SERF1B: variants seen among roughly 807,000 people sequenced by gnomAD.
The protein encoded by SERF1B is small EDRK-rich factor 1.
chr5:70,028,954 G>A (rs1291733505), intron 2 of SERF1B, among the ~76,000 whole-genome samples: 1 of 151,772 alleles, frequency 6.6e-6, no homozygotes, highest in Non-Finnish European at 1.5e-5. Context: ...TCCAGCCTGG[G>A]CGACAGAGCG....
chr5:70,036,627 A>ACTCTCTCTCT (rs1190752176), intron 2 of SERF1B, among the ~76,000 whole-genome samples: 274 of 49,982 alleles, frequency 5.5e-3, no homozygotes, highest in African/African-American at 0.012. Context: ...ACACACACAC[A>ACTCTCTCTCT]CACTCTCTCT....
At chr5:70,037,531 A>C (rs1477234280) in intron 2 of SERF1B, among the ~76,000 whole-genome samples, 1 of 149,166 alleles carries the variant, frequency 6.7e-6, no homozygotes, top group Non-Finnish European at 1.5e-5. Flanking sequence ...TGCCTGTAAT[A>C]CCAGCTACTT....
intron 2 of SERF1B, among the ~76,000 whole-genome samples, chr5:70,037,915 T>C (rs569308094): frequency 4.3e-5 from 5 of 116,656 alleles, no homozygotes; most frequent in African/African-American, 2.3e-4. Flanking sequence ...GAGCCGAGAC[T>C]GCACCACTGC....
chr5:70,029,739 C>A, intron 2 of SERF1B: 1 of 455,036 alleles, frequency 2.2e-6, no homozygotes, highest in Non-Finnish European at 4.4e-6. Context: ...GGCAAAGGTC[C>A]TGACACCTTT....
chr5:70,028,669 G>C (rs1669416441), intron 2 of SERF1B, among the ~76,000 whole-genome samples: 1 of 146,248 alleles, frequency 6.8e-6, no homozygotes, highest in Non-Finnish European at 1.5e-5. Flanking sequence ...CTGAGATCTC[G>C]CCATTGCACT....
At chr5:70,041,252 T>C (rs1263867833) in intron 2 of SERF1B, among the ~76,000 whole-genome samples, 1 of 149,370 alleles carries the variant, frequency 6.7e-6, no homozygotes, top group Non-Finnish European at 1.5e-5. Context: ...TGGTATCTCA[T>C]TGTAGTCTTA....
chr5:70,029,759 T>G (rs1332334856), intron 2 of SERF1B: 3 of 454,420 alleles, frequency 6.6e-6, no homozygotes, highest in African/African-American at 4.0e-5. Flanking sequence ...TTTTTTTTTT[T>G]TCCCAGATAT....
At chr5:70,035,383 A>ATTTTTTTT (rs763970203) in intron 2 of SERF1B, among the ~76,000 whole-genome samples, 7 of 136,562 alleles carry the variant, frequency 5.1e-5, no homozygotes, top group Non-Finnish European at 9.6e-5. Context: ...TATTATTATT[A>ATTTTTTTT]TTTTTTTTTT....
chr5:70,029,485 T>C (rs1396419506), intron 2 of SERF1B, among the ~76,000 whole-genome samples: 1 of 149,582 alleles, frequency 6.7e-6, no homozygotes, highest in Non-Finnish European at 1.5e-5. Context: ...TATTACGCTT[T>C]AAGTTCTAGG....
At chr5:70,038,249 G>T (rs1774226258) in intron 2 of SERF1B, among the ~76,000 whole-genome samples, 1 of 150,226 alleles carries the variant, frequency 6.7e-6, no homozygotes, top group African/African-American at 2.5e-5. Flanking sequence ...CCACTCAAGG[G>T]GGCTGTTAGG....
At chr5:70,029,472 T>TA (rs1774119298) in intron 2 of SERF1B, among the ~76,000 whole-genome samples, 1 of 150,280 alleles carries the variant, frequency 6.7e-6, no homozygotes, top group African/African-American at 2.5e-5. Context: ...ATTTTTTTTT[T>TA]ATTATTACGC....
chr5:70,032,211 T>C (rs1335903840), intron 2 of SERF1B: 1 of 1,043,740 alleles, frequency 9.6e-7, no homozygotes, highest in African/African-American at 1.6e-5. Flanking sequence ...TATATCCTCT[T>C]TTAAATTGTC....
intron 2 of SERF1B, among the ~76,000 whole-genome samples, chr5:70,036,957 C>CA (rs1191591513): frequency 2.4e-3 from 91 of 38,552 alleles, no homozygotes; most frequent in Admixed American, 3.5e-3. Flanking sequence ...TTCTTAAAAA[C>CA]AAAAAAACTT....
At chr5:70,041,326 G>T (rs1774253654) in intron 2 of SERF1B, among the ~76,000 whole-genome samples, 198 bp from the exon 3 acceptor site, 2 of 146,700 alleles carry the variant, frequency 1.4e-5, no homozygotes, top group Admixed American at 6.6e-5. Flanking sequence ...TACTCTCTCA[G>T]CCTTCAGTAA....
In SERF1B at chr5:70,029,685, C is replaced by G. The variant is rs1580714919; in HGVS notation, c.116+3170C>G. The stretch of plus-strand genomic sequence containing the variant: ...CCCAGGTGATTCTAATGTGCAGCCA[C>G]TATTAAGAGTCATTGATAAATGAGA... On this transcript the variant is annotated intron_variant, in intron 2 of 2. Transcript: ENST00000380750. The G allele has an allele frequency of 1.1e-5, 5 of 452,126 alleles. 1 individual carries two copies. The East Asian group carries it at 3.5e-4, about 32-fold the overall frequency. 28.0% of individuals were successfully genotyped at this position (452,126 alleles called of 1,614,324 possible). A position where few individuals can be genotyped will look rare whatever the true frequency, so the allele number is the denominator to read the frequency against.
chr5:70,029,398 A>G (rs1157083899), intron 2 of SERF1B, among the ~76,000 whole-genome samples: 3 of 150,526 alleles, frequency 2.0e-5, no homozygotes, highest in Non-Finnish European at 4.4e-5. Flanking sequence ...GGCCTCCCAA[A>G]GTGCTGGGAT....
intron 2 of SERF1B, among the ~76,000 whole-genome samples, chr5:70,036,692 A>G (rs1580716668): frequency 7.8e-6 from 1 of 128,994 alleles, no homozygotes; most frequent in Non-Finnish European, 1.6e-5. Context: ...TATTTTTACG[A>G]AATTGTCAGT....
chr5:70,029,137 C>T (rs1405780654), intron 2 of SERF1B, among the ~76,000 whole-genome samples: 2 of 147,398 alleles, frequency 1.4e-5, no homozygotes, highest in Non-Finnish European at 3.0e-5. Flanking sequence ...TTAGGTTATG[C>T]CTTTTTTTTT....
intron 2 of SERF1B, among the ~76,000 whole-genome samples, chr5:70,038,242 C>T (rs1774226037): frequency 6.6e-6 from 1 of 150,614 alleles, no homozygotes; most frequent in South Asian, 2.1e-4. Context: ...CCTTATACCA[C>T]TCAAGGGGGC....
Sources: gnomAD v4.1 joint callset for allele counts (sites outside exome capture counted in the v4.1 genomes callset) on GRCh38, gnomAD v4.1.1 for gene constraint, MANE v1.5 for transcripts, NCBI Gene and HGNC (gene_info 2026-07-23, HGNC 2026-07-21) for gene names.